Variants in CSE1L observed in about 807,000 individuals in gnomAD.
CSE1L encodes chromosome segregation 1 like.
Under a neutral mutation model 120.4 loss-of-function variants are expected in CSE1L, and 24 were observed. That is an observed-to-expected ratio of 0.20 (90% CI 0.14 to 0.28). CSE1L has a LOEUF of 0.28. Ranked by LOEUF, CSE1L falls within the 10% of genes least tolerant of loss-of-function variation. The pLI is 1.00. For missense variants in CSE1L, 830 were observed against 1,145.2 expected (o/e 0.72, Z 3.97); for synonymous variants, 402 against 398.3 (o/e 1.01, Z -0.11).
intron 7 of CSE1L, 40 bp downstream of exon 7, chr20:49,068,862 T>C (rs753525142): frequency 3.8e-6 from 5 of 1,309,540 alleles, no homozygotes; most frequent in Non-Finnish European, 5.5e-6. Context: ...TCTTACTCTT[T>C]GATTTTAAAT....
intron 1 of CSE1L, among the ~76,000 whole-genome samples, chr20:49,053,466 C>T (rs1219351918): frequency 6.9e-6 from 1 of 144,674 alleles, no homozygotes; most frequent in Non-Finnish European, 1.5e-5. Flanking sequence ...TCAAGCAATT[C>T]TCCTGCCTCA....
intron 22 of CSE1L, among the ~76,000 whole-genome samples, chr20:49,093,562 CTCT>C (rs2092116894): frequency 8.1e-6 from 1 of 123,248 alleles, no homozygotes; most frequent in Non-Finnish European, 1.6e-5. Context: ...TTGCTCCTCT[CTCT>C]TTTTTTTTTT....
chr20:49,047,791 A>C (rs1386314811), intron 1 of CSE1L, among the ~76,000 whole-genome samples: 1 of 151,694 alleles, frequency 6.6e-6, no homozygotes, highest in Non-Finnish European at 1.5e-5. Context: ...CACCATGTTG[A>C]TCAGGCTGTC....
At chr20:49,084,858 G>GCTA (rs944555728) in intron 15 of CSE1L, among the ~76,000 whole-genome samples, 1 of 152,114 alleles carries the variant, frequency 6.6e-6, no homozygotes, top group Non-Finnish European at 1.5e-5. Context: ...GCCAATTAAG[G>GCTA]GTAGAAAGGA....
At chr20:49,076,865 T>G in intron 12 of CSE1L, 115 bp from the exon 13 acceptor site, 1 of 611,016 alleles carries the variant, frequency 1.6e-6, no homozygotes, top group East Asian at 2.9e-5. Flanking sequence ...GCAATTTGTA[T>G]TTTGAAGTGT....
chr20:49,090,549 T>G (rs541953430), intron 19 of CSE1L, among the ~76,000 whole-genome samples, 193 bp from the exon 20 acceptor site: 1 of 151,952 alleles, frequency 6.6e-6, no homozygotes, highest in African/African-American at 2.4e-5. Context: ...AGAGTGAAAC[T>G]CCGTCTCAAA....
chr20:49,060,122 C>T (rs2091840169), intron 2 of CSE1L, among the ~76,000 whole-genome samples: 1 of 147,744 alleles, frequency 6.8e-6, no homozygotes, highest in East Asian at 2.0e-4. Flanking sequence ...GAGGTCGGAG[C>T]TGCAGTGAGT....
intron 2 of CSE1L, among the ~76,000 whole-genome samples, chr20:49,061,285 G>C (rs1175481981): frequency 4.2e-5 from 6 of 143,934 alleles, no homozygotes; most frequent in East Asian, 2.0e-4. Flanking sequence ...CCATTCTCCT[G>C]CCTCAGCCTC....
intron 14 of CSE1L, 89 bp downstream of exon 14, chr20:49,078,711 A>T (rs2091988074): frequency 2.3e-5 from 18 of 783,696 alleles, no homozygotes; most frequent in Non-Finnish European, 3.3e-5. Context: ...CAGTCATTTT[A>T]TATCCACATC....
rs747467423 is a variant in CSE1L at position 49,094,870 on chromosome 20, A to C, written c.2733A>C (p.Lys911Asn). The change falls in exon 24 of 25, where the codon AAA (lysine) becomes AAC (asparagine). Residue 911 changes from lysine (K) to asparagine (N), a missense_variant. By Grantham distance (94) the Lys-to-Asn change is moderately conservative (BLOSUM62 0). Transcript: ENST00000262982. ...TAFSQLAFAGKKEHDPVGQMV... is the reference protein window; with the variant it reads ...TAFSQLAFAGNKEHDPVGQMV... The stretch of plus-strand genomic sequence containing the variant: ...TCTCACAGTTGGCATTTGCTGGGAA[A>C]AAAGAGCATGATCCTGTAGGTCAAA... The C allele has an allele frequency of 6.2e-7, 1 of 1,614,170 alleles. No homozygotes were observed. The highest frequency in any genetic ancestry group is 1.1e-5 in the South Asian group (1 of 91,078).
chr20:49,087,351 CTTTTTT>C (rs11483071), intron 16 of CSE1L, among the ~76,000 whole-genome samples: 2 of 116,300 alleles, frequency 1.7e-5, no homozygotes, highest in South Asian at 2.8e-4. Context: ...TTTTCTTTTT[CTTTTTT>C]TTTTTTTTTT....
At chr20:49,083,077 T>C (rs1158715056) in intron 14 of CSE1L, among the ~76,000 whole-genome samples, 1 of 151,620 alleles carries the variant, frequency 6.6e-6, no homozygotes, top group East Asian at 1.9e-4. Flanking sequence ...CACGCTGGAG[T>C]GCAGTGGTGC....
intron 1 of CSE1L, among the ~76,000 whole-genome samples, chr20:49,049,034 A>G (rs901261168): frequency 6.6e-6 from 1 of 152,216 alleles, no homozygotes; most frequent in East Asian, 1.9e-4. Context: ...GGAAGATGCT[A>G]GACTTAGGTC....
chr20:49,062,316 A>G (rs969024044), intron 2 of CSE1L, among the ~76,000 whole-genome samples: 5 of 152,224 alleles, frequency 3.3e-5, no homozygotes, highest in African/African-American at 9.6e-5. Context: ...ACTCAGTCAG[A>G]AAGAGGGAAG....
At position 49,094,782 on chromosome 20, in the gene CSE1L, A is replaced by G; in HGVS notation, c.2645A>G (p.Asp882Gly). The change falls in exon 24 of 25, where the codon GAT becomes GGT. Residue 882 changes from aspartate (D) to glycine (G), a missense_variant. This residue lies in a region of CSE1L where 112 missense variants were observed against 200.0 expected (regional missense o/e 0.56). Coordinates refer to ENST00000262982, the MANE Select transcript of CSE1L (RefSeq NM_001316.4). ...GGTCTTTTTGAGTTACCCGAAGATG[A>G]TACCATTCCTGATGAGGAACATTTT... Reference protein sequence around the residue: ...LIGLFELPEDDTIPDEEHFID... With the variant: ...LIGLFELPEDGTIPDEEHFID... 6.2e-7 allele frequency: 1 copy of G among 1,614,090 alleles called. No individual in the cohort carries two copies. The highest frequency in any genetic ancestry group is 8.5e-7 in the Non-Finnish European group (1 of 1,179,966).
In CSE1L at chr20:49,094,772, C is replaced by A. The variant is rs1454260217; in HGVS notation, c.2635C>A (p.Pro879Thr). ...LQSLIGLFEL[P>T]EDDTIPDEEH... ...GTCTTTGATTGGTCTTTTTGAGTTACCCGAAGATGATACCATTCCTGATGA... is the reference window on the plus strand; with the variant it reads ...GTCTTTGATTGGTCTTTTTGAGTTAACCGAAGATGATACCATTCCTGATGA... The change falls in exon 24 of 25, where the codon CCC becomes ACC. Residue 879 changes from proline to threonine, a missense_variant. Pro to Thr is a conservative substitution (Grantham distance 38). Coordinates refer to ENST00000262982, the MANE Select transcript of CSE1L (RefSeq NM_001316.4). The A allele has an allele frequency of 3.1e-6, 5 of 1,613,854 alleles. No individual in the cohort carries two copies. Among genetic ancestry groups the A allele is most frequent in the Non-Finnish European group, 4.2e-6 (5 of 1,179,866 alleles).
intron 2 of CSE1L, among the ~76,000 whole-genome samples, chr20:49,060,048 G>C (rs764078773): frequency 2.6e-5 from 4 of 151,900 alleles, no homozygotes; most frequent in Non-Finnish European, 5.9e-5. Flanking sequence ...AGCCAAGTGT[G>C]GTGATGTGTG....
intron 14 of CSE1L, among the ~76,000 whole-genome samples, chr20:49,082,713 G>A (rs2092023165): frequency 6.6e-6 from 1 of 151,796 alleles, no homozygotes; most frequent in Non-Finnish European, 1.5e-5. Context: ...AGTAGAGACG[G>A]GGTTTCACTG....
At chr20:49,070,923 CAGAG>C (rs1399546575) in intron 8 of CSE1L, among the ~76,000 whole-genome samples, 3 of 152,172 alleles carry the variant, frequency 2.0e-5, no homozygotes, top group African/African-American at 4.8e-5. Context: ...GCCTGGGAGA[CAGAG>C]GGAGACCTCG....
Sources: gnomAD v4.1 joint callset for allele counts (sites outside exome capture counted in the v4.1 genomes callset) on GRCh38, gnomAD v4.1.1 for gene constraint, gnomAD v4.1.1 regional missense constraint, MANE v1.5 for transcripts, NCBI Gene and HGNC (gene_info 2026-07-23, HGNC 2026-07-21) for gene names.